The following CPNE8 variants were observed in gnomAD, a reference collection of about 807,000 sequenced individuals.
The protein encoded by CPNE8 is copine-8.
CPNE8 carries 45 observed loss-of-function variants against 81.5 expected under a neutral mutation model. The ratio of observed to expected loss-of-function variants is 0.55; its 90% CI spans 0.44 to 0.71. The LOEUF is 0.71. Ranked by LOEUF, CPNE8 falls within the 30% of genes least tolerant of loss-of-function variation. The probability of loss-of-function intolerance (pLI) is 0.00; values close to 1 mark genes in which losing one functional copy is unlikely to be tolerated. For missense variants in CPNE8, 594 were observed against 672.1 expected, an observed-to-expected ratio of 0.88 and a Z score of 1.28; for synonymous variants, 252 against 226.3, an observed-to-expected ratio of 1.11 and a Z score of -1.02.
At chr12:38,746,897 G>GA (rs1321726856) in intron 10 of CPNE8, among the ~76,000 whole-genome samples, 4 of 152,172 alleles carry the variant, frequency 2.6e-5, no homozygotes, top group African/African-American at 9.7e-5. Flanking sequence ...GAACTAGTAA[G>GA]ATTGAAATGT....
chr12:38,727,588 T>C (rs1002545922), intron 11 of CPNE8, among the ~76,000 whole-genome samples: 4 of 152,208 alleles, frequency 2.6e-5, no homozygotes, highest in Non-Finnish European at 5.9e-5. Context: ...TTGTCATTAT[T>C]TGACTTAACT....
At chr12:38,733,880 A>T (rs938349055) in intron 10 of CPNE8, among the ~76,000 whole-genome samples, 14 of 151,956 alleles carry the variant, frequency 9.2e-5, no homozygotes, top group African/African-American at 3.4e-4. Flanking sequence ...GCATAGTCAC[A>T]TTTATACCTG....
upstream of CPNE8, chr12:38,905,638 A>C (rs1348992110): frequency 3.3e-6 from 5 of 1,506,964 alleles, no homozygotes; most frequent in Middle Eastern, 2.4e-4. Context: ...GGGTGGAGGC[A>C]GAAGAAGGAG....
intron 1 of CPNE8, among the ~76,000 whole-genome samples, chr12:38,899,635 C>T (rs898602690): frequency 1.2e-4 from 18 of 152,148 alleles, no homozygotes; most frequent in African/African-American, 3.9e-4. Flanking sequence ...AAAAGCTGAA[C>T]GTTTGTGTGT....
chr12:38,683,668 G>T (rs1939461399), intron 16 of CPNE8, among the ~76,000 whole-genome samples: 1 of 152,002 alleles, frequency 6.6e-6, no homozygotes, highest in African/African-American at 2.4e-5. Context: ...TTCTTTTGTG[G>T]TCTTATACTA....
chr12:38,711,643 A>G (rs953825921), intron 13 of CPNE8, among the ~76,000 whole-genome samples: 1 of 151,976 alleles, frequency 6.6e-6, no homozygotes, highest in Non-Finnish European at 1.5e-5. Context: ...TAACTGTTGT[A>G]TTTGTAGTAG....
intron 6 of CPNE8, among the ~76,000 whole-genome samples, chr12:38,784,659 C>G (rs1942135362): frequency 6.6e-6 from 1 of 152,066 alleles, no homozygotes; most frequent in Non-Finnish European, 1.5e-5. Flanking sequence ...CAAAGTGGCT[C>G]CAATATGTCC....
intron 6 of CPNE8, among the ~76,000 whole-genome samples, chr12:38,798,513 A>C (rs1345875794): frequency 6.6e-6 from 1 of 152,120 alleles, no homozygotes; most frequent in Non-Finnish European, 1.5e-5. Flanking sequence ...AGATGTTGTC[A>C]CCACCAGGCC....
chr12:38,807,551 G>A (rs1376002380), intron 6 of CPNE8, among the ~76,000 whole-genome samples: 1 of 150,538 alleles, frequency 6.6e-6, no homozygotes, highest in Non-Finnish European at 1.5e-5. Context: ...CTAGCCATAT[G>A]TAGAAAGCTG....
chr12:38,807,100 G>C (rs945191656), intron 6 of CPNE8, among the ~76,000 whole-genome samples: 8 of 152,084 alleles, frequency 5.3e-5, no homozygotes, highest in Admixed American at 2.0e-4. Context: ...GGAAATAAAA[G>C]AGGACACAAA....
At chr12:38,827,103 C>T (rs1451949085) in intron 6 of CPNE8, among the ~76,000 whole-genome samples, 4 of 147,124 alleles carry the variant, frequency 2.7e-5, no homozygotes, top group African/African-American at 1.0e-4. Context: ...ATCACTTGAA[C>T]CCGGGAGGCA....
At chr12:38,888,969 T>A (rs1164429925) in intron 1 of CPNE8, among the ~76,000 whole-genome samples, 1 of 152,192 alleles carries the variant, frequency 6.6e-6, no homozygotes, top group Non-Finnish European at 1.5e-5. Flanking sequence ...ATTGAATAAA[T>A]AATTATCAAG....
At position 38,675,741 on chromosome 12, in the gene CPNE8, C is replaced by T; in HGVS notation, c.1408G>A (p.Gly470Ser). 6.2e-7 allele frequency: 1 copy of T among 1,604,988 alleles called. No individual in the cohort carries two copies. The highest frequency in any genetic ancestry group is 8.5e-7 in the Non-Finnish European group (1 of 1,172,138). ...SKLPMSIIIV[G>S]VGPAEFDAMV... ...CCATCAAATTCTGCTGGTCCAACAC[C>T]TACTATAATTATTGACATTGGAAGT... Residue 470 changes from glycine (G) to serine (S), a missense_variant, in exon 18 of 20, where the codon GGT becomes AGT. Physicochemically the swap from Gly to Ser is moderately conservative, Grantham distance 56. Coordinates refer to ENST00000331366, the MANE Select transcript of CPNE8 (RefSeq NM_153634.3).
intron 13 of CPNE8, among the ~76,000 whole-genome samples, chr12:38,716,978 G>T (rs1459804253): frequency 6.6e-6 from 1 of 151,900 alleles, no homozygotes; most frequent in Admixed American, 6.6e-5. Flanking sequence ...AGTGAGGAAG[G>T]ACATGAATAC....
intron 14 of CPNE8, among the ~76,000 whole-genome samples, chr12:38,700,348 C>T (rs181955241): frequency 0.013 from 1,971 of 150,702 alleles, 29 homozygotes; most frequent in Middle Eastern, 0.042. Flanking sequence ...AAGCGATTCT[C>T]CTGTCTCAGC....
intron 13 of CPNE8, among the ~76,000 whole-genome samples, chr12:38,719,101 TA>T (rs1375709923): frequency 6.6e-6 from 1 of 151,916 alleles, no homozygotes; most frequent in African/African-American, 2.4e-5. Context: ...AAAAAATAAA[TA>T]AGATGTCATT....
intron 6 of CPNE8, among the ~76,000 whole-genome samples, chr12:38,817,485 T>A (rs1943044306): frequency 6.6e-6 from 1 of 152,050 alleles, no homozygotes; most frequent in Non-Finnish European, 1.5e-5. Flanking sequence ...ATGACCTAAA[T>A]CAGAATGGGT....
intron 6 of CPNE8, among the ~76,000 whole-genome samples, chr12:38,806,788 A>C (rs1592108692): frequency 6.7e-6 from 1 of 148,874 alleles, no homozygotes; most frequent in African/African-American, 2.4e-5. Context: ...AAGGGTATTC[A>C]ATTAGGAAAA....
intron 6 of CPNE8, among the ~76,000 whole-genome samples, chr12:38,798,900 C>T (rs934779499): frequency 7.2e-5 from 11 of 152,164 alleles, no homozygotes; most frequent in South Asian, 4.2e-4. Context: ...GTTGAAATCC[C>T]AGTCTCTGAT....
Sources: gnomAD v4.1 joint callset for allele counts (sites outside exome capture counted in the v4.1 genomes callset) on GRCh38, gnomAD v4.1.1 for gene constraint, MANE v1.5 for transcripts, NCBI Gene and HGNC (gene_info 2026-07-23, HGNC 2026-07-21) for gene names.